The following VWA8 variants were observed in gnomAD, a reference collection of about 807,000 sequenced individuals.
VWA8 encodes the protein von Willebrand factor A domain containing 8.
In VWA8, 221 loss-of-function variants were observed where a neutral mutation model predicts 241.5. The observed-to-expected ratio is 0.91, with a 90% CI of 0.82 to 1.02. The LOEUF is 1.02. VWA8 is among the 50% of genes least tolerant of loss of function. The pLI is 0.00. For missense variants in VWA8, 2,322 were observed against 2,328.7 expected (o/e 1.00, Z 0.06); for synonymous variants, 852 against 827.1 (o/e 1.03, Z -0.52).
chr13:41,779,912 T>C (rs1868808386), intron 19 of VWA8, among the ~76,000 whole-genome samples: 1 of 152,196 alleles, frequency 6.6e-6, no homozygotes, highest in African/African-American at 2.4e-5. Context: ...AAGGCTAAAG[T>C]CACCGCCAAT....
At chr13:41,926,328 A>G (rs1876832033) in intron 2 of VWA8, 1 of 589,324 alleles carries the variant, frequency 1.7e-6, no homozygotes, top group Non-Finnish European at 3.3e-6. Context: ...GAAATTTATC[A>G]TCTGCTCTAA....
At chr13:41,734,541 G>A (rs1280824822) in intron 21 of VWA8, among the ~76,000 whole-genome samples, 2 of 152,186 alleles carry the variant, frequency 1.3e-5, no homozygotes, top group Non-Finnish European at 2.9e-5. Context: ...GCTTGAACAG[G>A]TACGCTGGCA....
intron 8 of VWA8, among the ~76,000 whole-genome samples, chr13:41,884,527 C>T (rs996171432): frequency 5.3e-5 from 8 of 150,444 alleles, no homozygotes; most frequent in Non-Finnish European, 1.2e-4. Flanking sequence ...AACTGATACA[C>T]ACACTGAAGT....
At chr13:41,655,092 T>TC (rs1377431462) in intron 37 of VWA8, among the ~76,000 whole-genome samples, 21 of 135,520 alleles carry the variant, frequency 1.5e-4, no homozygotes, top group African/African-American at 5.8e-4. Context: ...AAACTGAAAT[T>TC]TTTTTTTTTT....
At chr13:41,666,378 T>A (rs2044986181) in intron 37 of VWA8, among the ~76,000 whole-genome samples, 1 of 152,184 alleles carries the variant, frequency 6.6e-6, no homozygotes, top group African/African-American at 2.4e-5. Context: ...CCCTTTTCTC[T>A]CATTGCTTCT....
chr13:41,731,439 A>AC (rs2045482502), intron 22 of VWA8, among the ~76,000 whole-genome samples: 1 of 152,206 alleles, frequency 6.6e-6, no homozygotes, highest in Non-Finnish European at 1.5e-5. Context: ...TGAAAATGAT[A>AC]GTAAACTTTA....
In VWA8 at chr13:41,721,517, C is replaced by T. The variant is rs1253094251; in HGVS notation, c.2817G>A (p.Met939Ile). The change falls in exon 25 of 45, where the codon ATG becomes ATA. Residue 939 changes from methionine to isoleucine, a missense_variant. Coordinates refer to ENST00000379310, the MANE Select transcript of VWA8 (RefSeq NM_015058.2). ...DNPKPHSELEMLRQYGPNVPE... is the reference protein window; with the variant it reads ...DNPKPHSELEILRQYGPNVPE... ...GCACATTTGGTCCATACTGTCTGAG[C>T]ATCTCGAGCTCCGAGTGGGGTTTGG... is the stretch of plus-strand genomic sequence containing the variant. 1 of 1,613,714 alleles carries T rather than the reference C, an allele frequency of 6.2e-7. No homozygotes were observed. Among genetic ancestry groups the T allele is most frequent in the African/African-American group, 1.3e-5 (1 of 74,888 alleles).
chr13:41,745,279 TC>T (rs1159321357), intron 21 of VWA8, among the ~76,000 whole-genome samples: 7 of 152,090 alleles, frequency 4.6e-5, no homozygotes, highest in Non-Finnish European at 1.0e-4. Context: ...CCTAATGCTA[TC>T]CCTCCCGCAT....
intron 20 of VWA8, among the ~76,000 whole-genome samples, chr13:41,776,582 GAAT>G (rs1236240156): frequency 6.6e-6 from 1 of 152,174 alleles, no homozygotes; most frequent in Non-Finnish European, 1.5e-5. Context: ...TGAAACAAGA[GAAT>G]ATTACTTTTA....
At chr13:41,947,182 C>T (rs1034398368) in intron 2 of VWA8, among the ~76,000 whole-genome samples, 1 of 152,208 alleles carries the variant, frequency 6.6e-6, no homozygotes, top group African/African-American at 2.4e-5. Flanking sequence ...CTCATAGTGA[C>T]AGTCCTGAAT....
At chr13:41,948,524 T>A (rs952863498) in intron 2 of VWA8, among the ~76,000 whole-genome samples, 1 of 152,194 alleles carries the variant, frequency 6.6e-6, no homozygotes, top group African/African-American at 2.4e-5. Flanking sequence ...ATGAATTATA[T>A]CTCAATAAAA....
intron 23 of VWA8, 75 bp downstream of exon 23, chr13:41,729,438 TTATGCTTATTATTGTAAATAAGTAGGCAG>T: frequency 6.0e-6 from 7 of 1,175,790 alleles, no homozygotes; most frequent in Non-Finnish European, 7.0e-6. Flanking sequence ...CATATTGAAC[TTATGCTTATTATTGTAAATAAGTAGGCAG>T]CTAAGTTTGT....
intron 29 of VWA8, among the ~76,000 whole-genome samples, chr13:41,698,117 AC>A (rs2045227044): frequency 6.6e-6 from 1 of 151,656 alleles, no homozygotes; most frequent in South Asian, 2.1e-4. Context: ...CTTGTTTCTC[AC>A]CTTCTAATTT....
At chr13:41,851,165 T>TC in intron 12 of VWA8, among the ~76,000 whole-genome samples, 1 of 152,204 alleles carries the variant, frequency 6.6e-6, no homozygotes, top group East Asian at 1.9e-4. Flanking sequence ...ACTAACACTT[T>TC]CCCCTTTTTC....
At chr13:41,700,014 C>T (rs957969224) in intron 28 of VWA8, among the ~76,000 whole-genome samples, 2 of 152,220 alleles carry the variant, frequency 1.3e-5, no homozygotes, top group South Asian at 2.1e-4. Context: ...TGAGATCCTC[C>T]CTTTTGAGTA....
intron 4 of VWA8, among the ~76,000 whole-genome samples, chr13:41,905,605 C>G (rs1412382511): frequency 1.3e-5 from 2 of 152,048 alleles, no homozygotes; most frequent in African/African-American, 2.4e-5. Flanking sequence ...TCTTCCCTCC[C>G]CAACCTTTTA....
At chr13:41,672,909 A>G (rs1332858194) in intron 36 of VWA8, among the ~76,000 whole-genome samples, 1 of 152,208 alleles carries the variant, frequency 6.6e-6, no homozygotes, top group Non-Finnish European at 1.5e-5. Context: ...AATTCTGCCA[A>G]GAACACCCAA....
At chr13:41,677,790 C>G in intron 35 of VWA8, among the ~76,000 whole-genome samples, 1 of 152,144 alleles carries the variant, frequency 6.6e-6, no homozygotes, top group South Asian at 2.1e-4. Flanking sequence ...ATCCATCCAT[C>G]CATCCATCCA....
chr13:41,582,159 A>G (rs1197900133), intron 42 of VWA8, among the ~76,000 whole-genome samples: 1 of 152,192 alleles, frequency 6.6e-6, no homozygotes, highest in African/African-American at 2.4e-5. Flanking sequence ...GAGAAACTTT[A>G]AACACTCCAA....
Sources: allele counts gnomAD v4.1 joint callset (sites outside exome capture counted in the v4.1 genomes callset), GRCh38; gene constraint gnomAD v4.1.1; transcripts MANE v1.5; gene names NCBI Gene and HGNC (gene_info 2026-07-23, HGNC 2026-07-21).